Variants in ESPL1 observed in about 807,000 individuals in gnomAD.
ESPL1 encodes separin.
ESPL1 carries 50 observed loss-of-function variants against 217.2 expected under a neutral mutation model. The ratio of observed to expected loss-of-function variants is 0.23; its 90% CI spans 0.18 to 0.29. The LOEUF (loss-of-function observed/expected upper bound fraction) is 0.29. Among genes scored for constraint, ESPL1 ranks in the 10% least tolerant of loss-of-function variants. ESPL1 has a pLI of 1.00. For missense variants in ESPL1, 1,834 were observed against 2,603.0 expected, an observed-to-expected ratio of 0.70 and a Z score of 6.43; for synonymous variants, 994 against 1,081.3, an observed-to-expected ratio of 0.92 and a Z score of 1.58.
intron 11 of ESPL1, 25 bp downstream of exon 11, chr12:53,277,985 G>T: frequency 6.2e-7 from 1 of 1,609,454 alleles, no homozygotes; most frequent in South Asian, 1.1e-5. Flanking sequence ...CATTGAGGGG[G>T]ACCCATATAA....
In ESPL1 at chr12:53,293,006, T is replaced by C; in HGVS notation, c.6161+36T>C. On this transcript the variant is annotated intron_variant, in intron 30 of 30. Transcript: ENST00000257934. The surrounding 1 kb of genome is among the most constrained non-coding windows in gnomAD (Gnocchi z 4.2). ...AAGGGCAAGACCCATCCTAGGGCAT[T>C]AGGACTCCTGCCCTCACCCCAGGTT... 6.3e-7 allele frequency: 1 copy of C among 1,583,162 alleles called. No individual in the cohort carries two copies. The highest frequency in any genetic ancestry group is 8.6e-7 in the Non-Finnish European group (1 of 1,159,154).
intron 6 of ESPL1, among the ~76,000 whole-genome samples, 178 bp from the exon 7 acceptor site, chr12:53,274,639 G>T (rs966338976): frequency 6.6e-6 from 1 of 152,148 alleles, no homozygotes; most frequent in Non-Finnish European, 1.5e-5. Context: ...CTGAGTTGAA[G>T]GCACTCAGAG....
chr12:53,288,656 C>G lies in ESPL1; in HGVS notation c.4665C>G (p.Asp1555Glu). 3 of 1,613,794 alleles carry G rather than the reference C, an allele frequency of 1.9e-6. No individual in the cohort carries two copies. Among genetic ancestry groups the G allele is most frequent in the Non-Finnish European group, 2.5e-6 (3 of 1,179,982 alleles). ...GCCCAGACAAGGAGAGTGACAAGGA[C>G]CTTGGTCCTCGGCTCCGGCTCCCCT... ...SPCPDKESDK[D>E]LGPRLRLPSA... Residue 1555 changes from aspartate (D) to glutamate (E), a missense_variant, in exon 20 of 31, where the codon GAC becomes GAG. Transcript: ENST00000257934.
rs776932269 is a variant in ESPL1 at position 53,286,864 on chromosome 12, A to G, written c.4128A>G (p.Glu1376=). The G allele has an allele frequency of 6.2e-7, 1 of 1,613,412 alleles. No homozygotes were observed. Among genetic ancestry groups the G allele is most frequent in the Admixed American group, 1.7e-5 (1 of 59,924 alleles). Residue 1376 remains glutamate, a synonymous_variant, in exon 18 of 31, where the codon GAA becomes GAG. Transcript: ENST00000257934. This position sits in a 1 kb window ranked among gnomAD's most constrained non-coding sequence, Gnocchi z 5.3. ...TCTGCCCTACAGAGAGCAAGCCTGA[A>G]GTACCCCAGGCCCCCAGGGTACAAC... is the stretch of plus-strand genomic sequence containing the variant. ...EEVCPTESKP[E]VPQAPRVQQR... is the part of the protein sequence containing the mutation.
chr12:53,288,820 G>A, intron 20 of ESPL1, 121 bp downstream of exon 20: 1 of 824,252 alleles, frequency 1.2e-6, no homozygotes. Context: ...ACCTGTGTTT[G>A]AACCCCAGCA....
At chr12:53,272,640 AG>A in intron 5 of ESPL1, 80 bp from the exon 6 acceptor site, 1 of 1,511,584 alleles carries the variant, frequency 6.6e-7, no homozygotes, top group Non-Finnish European at 9.0e-7. Flanking sequence ...CCACAGATCC[AG>A]CTGATCTCTG....
chr12:53,282,837 A>G lies in ESPL1; in HGVS notation c.2792-292A>G, dbSNP rs1943887539. ...CCCGACTAATTTTTGTATTATTAGT[A>G]GAGGTGGGGTTTCACCATGTTGGCC... On this transcript the variant is annotated intron_variant, in intron 14 of 30. Coordinates refer to ENST00000257934, the MANE Select transcript of ESPL1 (RefSeq NM_012291.5). The surrounding 1 kb of genome is among the most constrained non-coding windows in gnomAD (Gnocchi z 4.0). 6.6e-6 allele frequency among the ~76,000 whole-genome samples: 1 copy of G among 152,188 alleles called. No individual in the cohort carries two copies. The highest frequency in any genetic ancestry group is 2.4e-5 in the African/African-American group (1 of 41,452).
chr12:53,292,512 G>C lies in ESPL1; in HGVS notation c.5913-62G>C, dbSNP rs190960398. Reference sequence around the variant, plus strand: ...CCTTCTATCTAATGATCCCTCTGCTGTCTTTGCCACCTGACCCCTGCCATG... The same window carrying C: ...CCTTCTATCTAATGATCCCTCTGCTCTCTTTGCCACCTGACCCCTGCCATG... On this transcript the variant is annotated intron_variant, in intron 28 of 30. Coordinates refer to ENST00000257934, the MANE Select transcript of ESPL1 (RefSeq NM_012291.5). The surrounding 1 kb of genome is among the most constrained non-coding windows in gnomAD (Gnocchi z 4.5). 1.8e-5 allele frequency: 27 copies of C among 1,474,910 alleles called. No homozygotes were observed. In the East Asian group the frequency reaches 5.7e-4, roughly 31 times the overall value. The allele number at this position is 1,474,910 out of a possible 1,614,324, so 91.4% of individuals were successfully genotyped here.
In ESPL1 at chr12:53,281,428, A is replaced by G. The variant is rs1168484914; in HGVS notation, c.2500-79A>G. ...TGCTGGGATTACAGGTGTGAGCCAC[A>G]TGGCCACCCTTATTTACTCCAGTTT... On this transcript the variant is annotated intron_variant, in intron 12 of 30. Transcript: ENST00000257934. 2.3e-5 allele frequency: 34 copies of G among 1,463,018 alleles called. No individual in the cohort carries two copies. The Admixed American group carries it at 2.7e-4, about 12-fold the overall frequency. The allele number at this position is 1,463,018 out of a possible 1,614,324, so 90.6% of individuals were successfully genotyped here. A position where few individuals can be genotyped will look rare whatever the true frequency, so the allele number is the denominator to read the frequency against.
intron 1 of ESPL1, 161 bp downstream of exon 1, chr12:53,268,538 C>G (rs1306025268): frequency 1.9e-6 from 1 of 536,734 alleles, no homozygotes; most frequent in Non-Finnish European, 3.3e-6. Context: ...TCTGGGGTAG[C>G]GCGGCGAGTG....
chr12:53,280,370 T>C (rs1943841287), intron 12 of ESPL1, among the ~76,000 whole-genome samples: 1 of 152,156 alleles, frequency 6.6e-6, no homozygotes, highest in Admixed American at 6.6e-5. Context: ...TCACTCTTAC[T>C]ATTTTTGCAT....
chr12:53,291,945 C>T (rs773963918), intron 26 of ESPL1, 39 bp from the exon 27 acceptor site: 2 of 1,607,852 alleles, frequency 1.2e-6, no homozygotes, highest in Admixed American at 3.3e-5. Context: ...CTGCATATAC[C>T]TGGCTGGGGA....
chr12:53,275,369 G>A, intron 7 of ESPL1, among the ~76,000 whole-genome samples: 1 of 152,146 alleles, frequency 6.6e-6, no homozygotes, highest in African/African-American at 2.4e-5. Flanking sequence ...GCTGAGGCAG[G>A]AGAATGGCGT....
At chr12:53,285,853 C>A in intron 17 of ESPL1, 71 bp from the exon 18 acceptor site, 1 of 1,337,278 alleles carries the variant, frequency 7.5e-7, no homozygotes, top group Non-Finnish European at 1.0e-6. Flanking sequence ...GAATTGGGCC[C>A]CAAGGTCGCT....
At position 53,277,622 on chromosome 12, in the gene ESPL1, G is replaced by A. The variant is rs761810105; in HGVS notation, c.2224+14G>A. ...CTGCAGATGCTGGTGAGGGGTAAATGGAGTGTGGCATGGGCATCTCCATGG... is the reference window on the plus strand; with the variant it reads ...CTGCAGATGCTGGTGAGGGGTAAATAGAGTGTGGCATGGGCATCTCCATGG... On this transcript the variant is annotated intron_variant, in intron 10 of 30. Transcript: ENST00000257934. 2 of 1,613,628 alleles carry A rather than the reference G, an allele frequency of 1.2e-6. No individual in the cohort carries two copies. Among genetic ancestry groups the A allele is most frequent in the South Asian group, 2.2e-5 (2 of 91,024 alleles).
intron 25 of ESPL1, among the ~76,000 whole-genome samples, chr12:53,291,359 G>A (rs911009051): frequency 2.5e-4 from 38 of 151,302 alleles, no homozygotes; most frequent in Admixed American, 5.3e-4. Flanking sequence ...TTGGGAGGCC[G>A]AGGCAGGTGG....
At position 53,290,945 on chromosome 12, in the gene ESPL1, G is replaced by A; in HGVS notation, c.5469G>A (p.Gln1823=). ...CTGCCCAGGAGGCCTCCCGCCTACAGGAGCTGCTACAGGACTGTGGCTGGA... is the reference window on the plus strand; with the variant it reads ...CTGCCCAGGAGGCCTCCCGCCTACAAGAGCTGCTACAGGACTGTGGCTGGA... ...PGPAQEASRL[Q]ELLQDCGWKY... is the part of the protein sequence containing the mutation. Residue 1823 remains glutamine, a synonymous_variant, in exon 25 of 31, where the codon CAG becomes CAA. Coordinates refer to ENST00000257934, the MANE Select transcript of ESPL1 (RefSeq NM_012291.5). The A allele has an allele frequency of 1.9e-6, 3 of 1,606,190 alleles. No homozygotes were observed. Among genetic ancestry groups the A allele is most frequent in the Non-Finnish European group, 2.5e-6 (3 of 1,176,660 alleles).
At position 53,280,917 on chromosome 12, in the gene ESPL1, G is replaced by A. The variant is rs1033928185; in HGVS notation, c.2500-590G>A. Among the ~76,000 whole-genome samples the A allele has an allele frequency of 4.6e-5, 7 of 151,512 alleles. 1 individual carries two copies. The highest frequency in any genetic ancestry group is 1.7e-4 in the African/African-American group (7 of 41,372). ...CTGAGACAGGAGAGCACTTGATCCC[G>A]GGAGGCGGAGGTTGCGGTGAGCTGA... On this transcript the variant is annotated intron_variant, in intron 12 of 30. Transcript: ENST00000257934.
chr12:53,277,935 C>T lies in ESPL1; in HGVS notation c.2339C>T (p.Ala780Val). The T allele has an allele frequency of 5.6e-6, 9 of 1,613,902 alleles. No individual in the cohort carries two copies. The highest frequency in any genetic ancestry group is 7.6e-6 in the Non-Finnish European group (9 of 1,179,984). ...QQTAASLQIL[A>V]ALYQLVAKPM... ...ACAGCAGCCTCACTGCAGATCCTAGCAGCCCTCTACCAGCTGGTGGCAAAG... is the reference window on the plus strand; with the variant it reads ...ACAGCAGCCTCACTGCAGATCCTAGTAGCCCTCTACCAGCTGGTGGCAAAG... The change falls in exon 11 of 31, where the codon GCA (alanine) becomes GTA (valine). Residue 780 changes from alanine (A) to valine (V), a missense_variant. This residue lies in a region of ESPL1 where 746 missense variants were observed against 1,077.0 expected (regional missense o/e 0.69). Coordinates refer to ENST00000257934, the MANE Select transcript of ESPL1 (RefSeq NM_012291.5).
Sources: gnomAD v4.1 joint callset for allele counts (sites outside exome capture counted in the v4.1 genomes callset) on GRCh38, gnomAD v4.1.1 for gene constraint, gnomAD v4.1.1 regional missense constraint, Gnocchi (gnomAD v3.1) non-coding constraint, MANE v1.5 for transcripts, NCBI Gene and HGNC (gene_info 2026-07-23, HGNC 2026-07-21) for gene names.